Variants in TBC1D14 observed in about 807,000 individuals in gnomAD.
The protein encoded by TBC1D14 is TBC1 domain family member 14.
A neutral mutation model predicts 79.0 loss-of-function variants in TBC1D14; 26 were observed. The observed-to-expected ratio is 0.33, with a 90% CI of 0.24 to 0.46. The LOEUF (loss-of-function observed/expected upper bound fraction) is 0.46. TBC1D14 is among the 20% of genes least tolerant of loss of function. The pLI is 1.00. For synonymous variants in TBC1D14, 394 were observed against 349.9 expected (o/e 1.13, Z -1.40); for missense variants, 769 against 887.6 (o/e 0.87, Z 1.70).
At chr4:6,999,397 C>T (rs1719428129) in intron 6 of TBC1D14, among the ~76,000 whole-genome samples, 195 bp downstream of exon 6, 1 of 152,080 alleles carries the variant, frequency 6.6e-6, no homozygotes, top group African/African-American at 2.4e-5. Context: ...CTTCCCCTCC[C>T]TTCCAGTTCA....
At chr4:6,971,652 C>T (rs928122463) in intron 3 of TBC1D14, among the ~76,000 whole-genome samples, 1 of 152,168 alleles carries the variant, frequency 6.6e-6, no homozygotes, top group African/African-American at 2.4e-5. Flanking sequence ...CAGTGGCTGT[C>T]CAGTTGCGGT....
At chr4:6,977,496 C>T (rs1186654275) in intron 3 of TBC1D14, among the ~76,000 whole-genome samples, 2 of 148,716 alleles carry the variant, frequency 1.3e-5, no homozygotes, top group Non-Finnish European at 3.0e-5. Flanking sequence ...AGCTGCCTGC[C>T]TTGGCCCCGC....
At chr4:7,012,652 A>G (rs1265734945) in intron 11 of TBC1D14, among the ~76,000 whole-genome samples, 1 of 152,260 alleles carries the variant, frequency 6.6e-6, no homozygotes, top group East Asian at 1.9e-4. Context: ...CAGTGTATGT[A>G]AGATAAAACG....
chr4:7,029,484 G>A (rs571360962), intron 13 of TBC1D14, among the ~76,000 whole-genome samples: 2 of 152,256 alleles, frequency 1.3e-5, no homozygotes, highest in Non-Finnish European at 1.5e-5. Flanking sequence ...TCTGCTTGGC[G>A]TGGAGCCTGT....
intron 2 of TBC1D14, among the ~76,000 whole-genome samples, chr4:6,947,322 C>T (rs1713572193): frequency 1.3e-5 from 2 of 152,148 alleles, no homozygotes; most frequent in Admixed American, 1.3e-4. Context: ...ACGGTGAAAC[C>T]CCGTCTCCAC....
At chr4:6,962,163 T>TA in intron 2 of TBC1D14, among the ~76,000 whole-genome samples, 1 of 152,088 alleles carries the variant, frequency 6.6e-6, no homozygotes, top group African/African-American at 2.4e-5. Flanking sequence ...ACGAAGGGGC[T>TA]AGGTAGGAGG....
Position 6,912,001 on chromosome 4 carries a change from A to T in TBC1D14, c.-18+2050A>T, listed in dbSNP as rs1276999984. On this transcript the variant is annotated intron_variant, in intron 1 of 13. Coordinates refer to ENST00000409757, the MANE Select transcript of TBC1D14 (RefSeq NM_020773.3). The stretch of plus-strand genomic sequence containing the variant: ...GGTCATGGTATATTGTCCAGACTGG[A>T]TCTGAACTCCTCGGCTCAAGCGATT... 2.0e-5 allele frequency among the ~76,000 whole-genome samples: 3 copies of T among 152,130 alleles called. No homozygotes were observed. The East Asian group carries it at 5.8e-4, about 29-fold the overall frequency.
At chr4:6,925,672 G>A (rs574218848) in intron 2 of TBC1D14, among the ~76,000 whole-genome samples, 48 of 152,324 alleles carry the variant, frequency 3.2e-4, no homozygotes, top group Admixed American at 2.4e-3. Context: ...GTCTCAGAAT[G>A]CAGTAACTCA....
At chr4:7,021,354 T>G (rs1198772919) in intron 12 of TBC1D14, among the ~76,000 whole-genome samples, 1 of 152,238 alleles carries the variant, frequency 6.6e-6, no homozygotes, top group Non-Finnish European at 1.5e-5. Context: ...TCCCAGCACT[T>G]TGAGAGGCTG....
At chr4:7,020,244 G>C (rs914490678) in intron 12 of TBC1D14, among the ~76,000 whole-genome samples, 1 of 152,220 alleles carries the variant, frequency 6.6e-6, no homozygotes, top group Non-Finnish European at 1.5e-5. Context: ...ATTGCTTTCA[G>C]AATCAAGGTG....
At chr4:6,994,355 C>G in intron 4 of TBC1D14, 53 bp downstream of exon 4, 8 of 1,521,508 alleles carry the variant, frequency 5.3e-6, no homozygotes, top group Admixed American at 1.7e-5. Context: ...ATAAGTACAA[C>G]TTGCTAAGCA....
At chr4:6,950,977 A>T (rs536664680) in intron 2 of TBC1D14, among the ~76,000 whole-genome samples, 4 of 152,302 alleles carry the variant, frequency 2.6e-5, no homozygotes, top group Middle Eastern at 3.4e-3. Flanking sequence ...TGATTACATG[A>T]ACCTACCAGT....
intron 2 of TBC1D14, among the ~76,000 whole-genome samples, chr4:6,925,813 G>A (rs1029802724): frequency 1.3e-5 from 2 of 152,150 alleles, no homozygotes; most frequent in Non-Finnish European, 2.9e-5. Context: ...GTGCTCAGAC[G>A]AGTGTGTTCA....
intron 12 of TBC1D14, among the ~76,000 whole-genome samples, chr4:7,024,392 G>A (rs373548217): frequency 2.2e-4 from 34 of 152,284 alleles, no homozygotes; most frequent in African/African-American, 7.2e-4. Context: ...CACCTGTACC[G>A]AGCACTGTCA....
intron 3 of TBC1D14, among the ~76,000 whole-genome samples, chr4:6,988,885 C>CTTTCTTTTTTTT (rs748889966): frequency 5.2e-5 from 4 of 76,808 alleles, no homozygotes; most frequent in African/African-American, 1.1e-4. Flanking sequence ...TTCTTTCTTT[C>CTTTCTTTTTTTT]TTTTTTTTTT....
At chr4:6,954,512 C>T (rs779000864) in intron 2 of TBC1D14, among the ~76,000 whole-genome samples, 2 of 152,224 alleles carry the variant, frequency 1.3e-5, no homozygotes, top group African/African-American at 4.8e-5. Context: ...ATCTAGGCAG[C>T]ATCTCTGAGT....
At chr4:7,016,690 C>A (rs1449038038) in intron 12 of TBC1D14, among the ~76,000 whole-genome samples, 1 of 152,230 alleles carries the variant, frequency 6.6e-6, no homozygotes, top group East Asian at 1.9e-4. Flanking sequence ...CAGTACCTAA[C>A]CCTGACCATG....
chr4:6,988,881 CTTTCTTTTT>C (rs1167152916), intron 3 of TBC1D14, among the ~76,000 whole-genome samples: 3 of 93,574 alleles, frequency 3.2e-5, no homozygotes, highest in African/African-American at 1.2e-4. Context: ...TTCTTTCTTT[CTTTCTTTTT>C]TTTTTTTTTT....
chr4:6,973,306 A>C (rs986561767), intron 3 of TBC1D14, among the ~76,000 whole-genome samples: 4 of 152,074 alleles, frequency 2.6e-5, no homozygotes, highest in Non-Finnish European at 2.9e-5. Context: ...CAAAAGTCTC[A>C]AAACATTGTA....
Sources: allele counts gnomAD v4.1 joint callset (sites outside exome capture counted in the v4.1 genomes callset), GRCh38; gene constraint gnomAD v4.1.1; transcripts MANE v1.5; gene names NCBI Gene and HGNC (gene_info 2026-07-23, HGNC 2026-07-21).